The following MIA2 variants were observed in gnomAD, a reference collection of about 807,000 sequenced individuals.
MIA2 encodes the protein melanoma inhibitory activity protein 2.
Under a neutral mutation model 167.8 loss-of-function variants are expected in MIA2, and 127 were observed. The ratio of observed to expected loss-of-function variants is 0.76; its 90% CI spans 0.66 to 0.88. The LOEUF is 0.88. Among genes scored for constraint, MIA2 ranks in the 40% least tolerant of loss-of-function variants. MIA2 has a pLI of 0.00. For synonymous variants in MIA2, 552 were observed against 541.9 expected (o/e 1.02, Z -0.26); for missense variants, 1,690 against 1,624.7 (o/e 1.04, Z -0.69).
Position 39,363,436 on chromosome 14 carries a change from T to C in MIA2, c.2248+14459T>C, listed in dbSNP as rs200422069. 3.9e-5 allele frequency among the ~76,000 whole-genome samples: 6 copies of C among 152,028 alleles called. No individual in the cohort carries two copies. In the East Asian group the frequency reaches 9.6e-4, roughly 24 times the overall value. ...TCCCAGCTACTCGGAGGCTGAGGCATGAGAATCACTTGAGCCTGGGAGGTG... is the reference window on the plus strand; with the variant it reads ...TCCCAGCTACTCGGAGGCTGAGGCACGAGAATCACTTGAGCCTGGGAGGTG... On this transcript the variant is annotated intron_variant, in intron 23 of 23. Coordinates refer to the MIA2 transcript ENST00000341502.
intron 23 of MIA2, among the ~76,000 whole-genome samples, chr14:39,376,436 T>C (rs1399157227): frequency 6.6e-6 from 1 of 152,244 alleles, no homozygotes; most frequent in African/African-American, 2.4e-5. Context: ...TAAATGTTTT[T>C]AAAGATAGCT....
At chr14:39,303,113 T>G (rs1171407416) in intron 15 of MIA2, among the ~76,000 whole-genome samples, 1 of 152,204 alleles carries the variant, frequency 6.6e-6, no homozygotes, top group Non-Finnish European at 1.5e-5. Flanking sequence ...TTGAGAAAAC[T>G]CATGCTTGTT....
chr14:39,304,805 C>T (rs1474714196), intron 17 of MIA2, among the ~76,000 whole-genome samples: 2 of 151,972 alleles, frequency 1.3e-5, no homozygotes, highest in African/African-American at 4.8e-5. Context: ...TTAGTACATA[C>T]GAGAGTGATG....
chr14:39,386,556 T>G, intron 23 of MIA2: 1 of 1,256,158 alleles, frequency 8.0e-7, no homozygotes, highest in Non-Finnish European at 1.1e-6. Context: ...TGATTTTCTT[T>G]TGGTCTCTTT....
At chr14:39,254,685 G>C (rs1440710827) in intron 6 of MIA2, among the ~76,000 whole-genome samples, 1 of 152,164 alleles carries the variant, frequency 6.6e-6, no homozygotes, top group Non-Finnish European at 1.5e-5. Context: ...TTCAAGAAAA[G>C]CTGGAAATCT....
At chr14:39,328,180 A>C (rs2067968441) in intron 25 of MIA2, among the ~76,000 whole-genome samples, 1 of 152,192 alleles carries the variant, frequency 6.6e-6, no homozygotes, top group Non-Finnish European at 1.5e-5. Context: ...GTGAGATGGT[A>C]TCTCATTGTG....
Position 39,348,933 on chromosome 14 carries a change from T to C in MIA2, c.4028T>C (p.Phe1343Ser), listed in dbSNP as rs772083879. 1 of 1,614,146 alleles carries C rather than the reference T, an allele frequency of 6.2e-7. No individual in the cohort carries two copies. Among genetic ancestry groups the C allele is most frequent in the African/African-American group, 1.3e-5 (1 of 75,060 alleles). The change falls in exon 28 of 29, where the codon TTT becomes TCT. Residue 1343 changes from phenylalanine to serine, a missense_variant. Transcript: ENST00000640607. ...ATGTTTGGAGCTTCTCGAGATTATTTTCCACCAGGGGATTTCCCAGGTCCA... is the reference window on the plus strand; with the variant it reads ...ATGTTTGGAGCTTCTCGAGATTATTCTCCACCAGGGGATTTCCCAGGTCCA... ...GAMFGASRDY[F>S]PPGDFPGPPP... is the part of the protein sequence containing the mutation.
intron 14 of MIA2, among the ~76,000 whole-genome samples, chr14:39,300,426 A>G (rs1207204034): frequency 1.3e-5 from 2 of 152,148 alleles, no homozygotes; most frequent in Admixed American, 1.3e-4. Flanking sequence ...ACTTGACTCC[A>G]GTCATAAGAA....
chr14:39,263,868 G>A (rs1003564204), intron 6 of MIA2, among the ~76,000 whole-genome samples: 1 of 151,866 alleles, frequency 6.6e-6, no homozygotes, highest in Admixed American at 6.6e-5. Flanking sequence ...TCCTGACCTC[G>A]AGTGATTCGC....
At chr14:39,285,818 C>CAG (rs1171141321) in intron 9 of MIA2, among the ~76,000 whole-genome samples, 1 of 151,034 alleles carries the variant, frequency 6.6e-6, no homozygotes, top group Non-Finnish European at 1.5e-5. Flanking sequence ...GGCGGCCGGG[C>CAG]AGAGACGCTC....
chr14:39,303,516 G>A lies in MIA2; in HGVS notation c.2779G>A (p.Ala927Thr). 6.2e-7 allele frequency: 1 copy of A among 1,610,348 alleles called. No homozygotes were observed. Residue 927 changes from alanine to threonine, a missense_variant, in exon 16 of 29, where the codon GCT (alanine) becomes ACT (threonine). By Grantham distance (58) the Ala-to-Thr change is moderately conservative (BLOSUM62 0). Transcript: ENST00000640607. ...PKGALKKLIH[A>T]AKLNASLKTL... ...AGGAGCTTTGAAGAAACTGATTCATGCTGCTAAGGTTTGTGCTATTAGATA... is the reference window on the plus strand; with the variant it reads ...AGGAGCTTTGAAGAAACTGATTCATACTGCTAAGGTTTGTGCTATTAGATA...
At chr14:39,347,327 T>C (rs1401527732) in intron 26 of MIA2, among the ~76,000 whole-genome samples, 1 of 152,032 alleles carries the variant, frequency 6.6e-6, no homozygotes, top group Non-Finnish European at 1.5e-5. Flanking sequence ...CAGTAGCTAG[T>C]CTCTCTTACT....
intron 7 of MIA2, among the ~76,000 whole-genome samples, chr14:39,277,776 A>T (rs5029820): frequency 0.45 from 15,870 of 34,992 alleles, 5,704 homozygotes; most frequent in African/African-American, 0.81. Flanking sequence ...ATATATATAT[A>T]TATATTTATA....
At chr14:39,362,647 A>C (rs1277053187) in intron 23 of MIA2, among the ~76,000 whole-genome samples, 1 of 151,724 alleles carries the variant, frequency 6.6e-6, no homozygotes, top group Non-Finnish European at 1.5e-5. Context: ...TTGCTTCACT[A>C]ATCTTTGTAT....
At chr14:39,238,811 A>AAAAAAAAAAAAACAAAACAAAAAAC in intron 2 of MIA2, among the ~76,000 whole-genome samples, 48 of 103,614 alleles carry the variant, frequency 4.6e-4, no homozygotes, top group Non-Finnish European at 6.9e-4. Flanking sequence ...AAAAAAAAAA[A>AAAAAAAAAAAAACAAAACAAAAAAC]CCCAAAAAAC....
chr14:39,320,759 G>C (rs1027845855), intron 23 of MIA2, among the ~76,000 whole-genome samples, 169 bp from the exon 24 acceptor site: 1 of 152,162 alleles, frequency 6.6e-6, no homozygotes, highest in Non-Finnish European at 1.5e-5. Context: ...ACCAGGGTCT[G>C]TATTTAATTC....
intron 23 of MIA2, among the ~76,000 whole-genome samples, chr14:39,382,319 G>A (rs1265533100): frequency 1.3e-5 from 2 of 152,188 alleles, no homozygotes; most frequent in Non-Finnish European, 2.9e-5. Context: ...ACCAAGCATC[G>A]ATAGGAAATT....
At chr14:39,383,698 A>G (rs2075214261) in intron 23 of MIA2, among the ~76,000 whole-genome samples, 1 of 152,246 alleles carries the variant, frequency 6.6e-6, no homozygotes, top group African/African-American at 2.4e-5. Flanking sequence ...TTCATTGAAC[A>G]CATGAATGAT....
intron 3 of MIA2, among the ~76,000 whole-genome samples, chr14:39,246,685 TA>T (rs1453859853): frequency 6.6e-6 from 1 of 152,168 alleles, no homozygotes; most frequent in Non-Finnish European, 1.5e-5. Flanking sequence ...ACCCTGTCTC[TA>T]AAAACAAACA....
Sources: gnomAD v4.1 joint callset for allele counts (sites outside exome capture counted in the v4.1 genomes callset) on GRCh38, gnomAD v4.1.1 for gene constraint, MANE v1.5 for transcripts, NCBI Gene and HGNC (gene_info 2026-07-23, HGNC 2026-07-21) for gene names.